The following PXDNL variants were observed in gnomAD, a reference collection of about 807,000 sequenced individuals.
PXDNL encodes peroxidasin like.
In PXDNL, 145 loss-of-function variants were observed where a neutral mutation model predicts 150.8. The observed-to-expected ratio is 0.96, with a 90% confidence interval of 0.84 to 1.10. The LOEUF (loss-of-function observed/expected upper bound fraction) is 1.10, where lower values mean the gene tolerates loss of function less well. Among genes scored for constraint, PXDNL ranks in the 50% least tolerant of loss-of-function variants. The probability of loss-of-function intolerance (pLI) is 0.00; values close to 1 mark genes in which losing one functional copy is unlikely to be tolerated. For missense variants in PXDNL, 2,087 were observed against 1,873.9 expected, an observed-to-expected ratio of 1.11 and a Z score of -2.10; for synonymous variants, 757 against 725.7, an observed-to-expected ratio of 1.04 and a Z score of -0.69.
chr8:51,708,275 G>C (rs1816423160), intron 1 of PXDNL, among the ~76,000 whole-genome samples: 1 of 152,200 alleles, frequency 6.6e-6, no homozygotes, highest in Non-Finnish European at 1.5e-5. Context: ...AGTCACCCTG[G>C]AGCAGGAAGG....
At chr8:51,478,544 A>T (rs2130138045) in intron 6 of PXDNL, among the ~76,000 whole-genome samples, 1 of 152,354 alleles carries the variant, frequency 6.6e-6, no homozygotes, top group East Asian at 1.9e-4. Flanking sequence ...TGATTTTTAC[A>T]GTCCACTTGT....
At chr8:51,422,375 G>A (rs1213102973) in intron 14 of PXDNL, among the ~76,000 whole-genome samples, 2 of 152,102 alleles carry the variant, frequency 1.3e-5, no homozygotes, top group Non-Finnish European at 2.9e-5. Context: ...AAAAGGTTGG[G>A]GACCACTGAC....
At chr8:51,378,904 A>G (rs1005522532) in intron 17 of PXDNL, among the ~76,000 whole-genome samples, 1 of 152,196 alleles carries the variant, frequency 6.6e-6, no homozygotes, top group African/African-American at 2.4e-5. Flanking sequence ...TAAGAACTGT[A>G]ACACTCACGG....
chr8:51,764,730 G>A (rs983861443), intron 1 of PXDNL, among the ~76,000 whole-genome samples: 3 of 152,098 alleles, frequency 2.0e-5, no homozygotes, highest in Non-Finnish European at 4.4e-5. Flanking sequence ...GCTACCATAT[G>A]AACTATCCTA....
At chr8:51,628,333 C>CTTTT (rs1814405742) in intron 2 of PXDNL, among the ~76,000 whole-genome samples, 1 of 142,296 alleles carries the variant, frequency 7.0e-6, no homozygotes, top group African/African-American at 2.7e-5. Flanking sequence ...CTCTCTTCTT[C>CTTTT]TTTATTTCTT....
At chr8:51,510,218 C>T (rs750899627) in intron 4 of PXDNL, among the ~76,000 whole-genome samples, 7 of 152,040 alleles carry the variant, frequency 4.6e-5, no homozygotes, top group Non-Finnish European at 8.8e-5. Flanking sequence ...CCATTGTGCT[C>T]CTTGTCATTG....
At chr8:51,579,613 T>C (rs986825006) in intron 3 of PXDNL, among the ~76,000 whole-genome samples, 3 of 152,004 alleles carry the variant, frequency 2.0e-5, no homozygotes, top group Admixed American at 6.6e-5. Flanking sequence ...GAATAAAAAA[T>C]TTAAATTCAC....
At chr8:51,636,047 A>G (rs1381860353) in intron 2 of PXDNL, among the ~76,000 whole-genome samples, 1 of 152,194 alleles carries the variant, frequency 6.6e-6, no homozygotes, top group African/African-American at 2.4e-5. Context: ...ATAGTTTAAC[A>G]TAAGAAAGTC....
chr8:51,485,395 T>G (rs1810706575), intron 5 of PXDNL, among the ~76,000 whole-genome samples: 1 of 152,196 alleles, frequency 6.6e-6, no homozygotes, highest in Non-Finnish European at 1.5e-5. Flanking sequence ...CAAACTCTAC[T>G]CAGGTTCTCC....
chr8:51,738,657 CA>C, intron 1 of PXDNL, among the ~76,000 whole-genome samples: 1 of 151,824 alleles, frequency 6.6e-6, no homozygotes, highest in East Asian at 1.9e-4. Flanking sequence ...ACTTCCTAAA[CA>C]AAAAAATCAC....
At chr8:51,601,010 GATA>G (rs995875484) in intron 2 of PXDNL, among the ~76,000 whole-genome samples, 1 of 142,112 alleles carries the variant, frequency 7.0e-6, no homozygotes, top group Non-Finnish European at 1.5e-5. Context: ...ATATAGTTTA[GATA>G]ATAAATTACA....
intron 1 of PXDNL, among the ~76,000 whole-genome samples, chr8:51,725,161 A>T (rs1180190296): frequency 1.3e-5 from 2 of 152,064 alleles, no homozygotes; most frequent in Non-Finnish European, 2.9e-5. Context: ...AGATCATTTT[A>T]TGGGTTTTCT....
intron 1 of PXDNL, among the ~76,000 whole-genome samples, chr8:51,687,499 C>T (rs1162995669): frequency 6.6e-6 from 1 of 152,122 alleles, no homozygotes; most frequent in Non-Finnish European, 1.5e-5. Flanking sequence ...ATGAGTGTTG[C>T]TTCTTTTCTA....
intron 19 of PXDNL, among the ~76,000 whole-genome samples, chr8:51,358,887 G>A (rs1223243338): frequency 6.6e-6 from 1 of 152,152 alleles, no homozygotes; most frequent in Non-Finnish European, 1.5e-5. Context: ...CTGCAGGCCT[G>A]GGGGAACCAC....
At chr8:51,701,751 T>A (rs1759037817) in intron 1 of PXDNL, among the ~76,000 whole-genome samples, 1 of 152,200 alleles carries the variant, frequency 6.6e-6, no homozygotes, top group Admixed American at 6.5e-5. Context: ...TGCTTTTCAA[T>A]AAAGGGAAGT....
intron 3 of PXDNL, among the ~76,000 whole-genome samples, chr8:51,591,158 T>A (rs1245943329): frequency 6.6e-6 from 1 of 152,202 alleles, no homozygotes; most frequent in Non-Finnish European, 1.5e-5. Flanking sequence ...CCTTCCATCA[T>A]GTTAGGATAC....
intron 1 of PXDNL, among the ~76,000 whole-genome samples, chr8:51,697,631 T>C (rs945500307): frequency 2.0e-4 from 30 of 152,194 alleles, no homozygotes; most frequent in African/African-American, 7.2e-4. Flanking sequence ...GCCAGAAAAT[T>C]AGATTAAAAG....
At chr8:51,770,544 G>A (rs1214183052) in intron 1 of PXDNL, among the ~76,000 whole-genome samples, 1 of 152,154 alleles carries the variant, frequency 6.6e-6, no homozygotes, top group Non-Finnish European at 1.5e-5. Context: ...AGTCCAGGAA[G>A]AAACAGTCTT....
chr8:51,545,809 T>C (rs1263907820), intron 4 of PXDNL, among the ~76,000 whole-genome samples: 2 of 152,220 alleles, frequency 1.3e-5, no homozygotes, highest in African/African-American at 4.8e-5. Context: ...CTCTTAATAT[T>C]TCTACAAGGC....
Sources: allele counts gnomAD v4.1 joint callset (sites outside exome capture counted in the v4.1 genomes callset), GRCh38; gene constraint gnomAD v4.1.1; transcripts MANE v1.5; gene names NCBI Gene and HGNC (gene_info 2026-07-23, HGNC 2026-07-21).